FAM169A: variants seen among roughly 807,000 people sequenced by gnomAD.
FAM169A encodes the protein family with sequence similarity 169 member A.
A neutral mutation model predicts 75.7 loss-of-function variants in FAM169A; 24 were observed. The observed-to-expected ratio is 0.32, with a 90% CI of 0.23 to 0.45. The LOEUF is 0.45. Ranked by LOEUF, FAM169A falls within the 20% of genes least tolerant of loss-of-function variation. The pLI is 1.00. For synonymous variants in FAM169A, 271 were observed against 271.0 expected, an observed-to-expected ratio of 1.00 and a Z score of 0.00; for missense variants, 673 against 784.0, an observed-to-expected ratio of 0.86 and a Z score of 1.69.
intron 1 of FAM169A, among the ~76,000 whole-genome samples, chr5:74,847,888 C>T (rs918428191): frequency 3.9e-5 from 6 of 152,152 alleles, no homozygotes; most frequent in Non-Finnish European, 8.8e-5. Flanking sequence ...CAAAACAACC[C>T]TGTGTCCCAG....
In FAM169A at chr5:74,783,196, G is replaced by A. The variant is rs1021777047; in HGVS notation, c.1261-62C>T. On this transcript the variant is annotated intron_variant, in intron 11 of 12. Transcript: ENST00000687041. The stretch of plus-strand genomic sequence containing the variant: ...GATTACAAACTAACTTATTTGTCAT[G>A]CATGACGGGTCCCTTCTCAGTGCCT... 1.8e-5 allele frequency: 22 copies of A among 1,221,230 alleles called. No individual in the cohort carries two copies. In the African/African-American group the frequency reaches 2.7e-4, roughly 15 times the overall value. The allele number at this position is 1,221,230 out of a possible 1,614,324, so 75.6% of individuals were successfully genotyped here. A position where few individuals can be genotyped will look rare whatever the true frequency, so the allele number is the denominator to read the frequency against.
At chr5:74,827,387 T>C (rs565974502) in intron 5 of FAM169A, among the ~76,000 whole-genome samples, 41 of 152,232 alleles carry the variant, frequency 2.7e-4, no homozygotes, top group Admixed American at 2.2e-3. Context: ...TTCTATGATA[T>C]TTATTCCACA....
chr5:74,813,531 G>A (rs1747317144), intron 6 of FAM169A, among the ~76,000 whole-genome samples: 1 of 151,948 alleles, frequency 6.6e-6, no homozygotes, highest in Non-Finnish European at 1.5e-5. Flanking sequence ...TCATCATGTT[G>A]GCCAGGCTGG....
intron 1 of FAM169A, among the ~76,000 whole-genome samples, chr5:74,846,419 A>G (rs1164217545): frequency 2.6e-5 from 4 of 152,354 alleles, no homozygotes; most frequent in East Asian, 3.9e-4. Context: ...CAAAATGGAC[A>G]TAAGAGTTTG....
intron 5 of FAM169A, among the ~76,000 whole-genome samples, chr5:74,830,170 CACA>C (rs1351950608): frequency 1.3e-5 from 2 of 152,070 alleles, no homozygotes; most frequent in Non-Finnish European, 2.9e-5. Flanking sequence ...ATCCCCCTCA[CACA>C]ACAACATAAA....
At chr5:74,857,820 G>A (rs538363197) in intron 1 of FAM169A, among the ~76,000 whole-genome samples, 17 of 151,976 alleles carry the variant, frequency 1.1e-4, no homozygotes, top group Admixed American at 3.9e-4. Context: ...CTAGAGACAG[G>A]AGAAACTTCT....
intron 6 of FAM169A, among the ~76,000 whole-genome samples, chr5:74,807,226 T>C (rs1313211677): frequency 6.6e-6 from 1 of 152,184 alleles, no homozygotes; most frequent in Non-Finnish European, 1.5e-5. Flanking sequence ...CTCACTTACC[T>C]TAAATGTGTT....
At chr5:74,828,055 T>C (rs1016932651) in intron 5 of FAM169A, among the ~76,000 whole-genome samples, 3 of 152,174 alleles carry the variant, frequency 2.0e-5, no homozygotes, top group African/African-American at 7.2e-5. Flanking sequence ...CTATTCCTAT[T>C]TTTTATTTTT....
chr5:74,817,684 TAAG>T lies in FAM169A; in HGVS notation c.491-3668_491-3666del, dbSNP rs1462585174. On this transcript the variant is annotated intron_variant, in intron 5 of 12. Coordinates refer to ENST00000687041, the MANE Select transcript of FAM169A (RefSeq NM_001376049.1). ...AGTTCATCCCAAACACACAGGAAAA[TAAG>T]GAGCCCAAATAGCCAAAATAATCTT... Among the ~76,000 whole-genome samples, 4 of 152,016 alleles carry T rather than the reference TAAG, an allele frequency of 2.6e-5. No individual in the cohort carries two copies. In the East Asian group the frequency reaches 7.7e-4, roughly 29 times the overall value.
Position 74,805,524 on chromosome 5 carries a change from C to CTTTTTTTTTTTTTT in FAM169A, c.671-254_671-241dup, listed in dbSNP as rs1194674402. ...AAAAATCCTTTAAAAATGTGCTTCG[C>CTTTTTTTTTTTTTT]TTTTTTTTTTTTTTTTTTTTTTTGG... On this transcript the variant is annotated intron_variant, in intron 6 of 12. Coordinates refer to ENST00000687041, the MANE Select transcript of FAM169A (RefSeq NM_001376049.1). 2.2e-4 allele frequency among the ~76,000 whole-genome samples: 18 copies of CTTTTTTTTTTTTTT among 81,922 alleles called. 1 individual carries two copies. Among genetic ancestry groups the CTTTTTTTTTTTTTT allele is most frequent in the African/African-American group, 4.9e-4 (9 of 18,436 alleles). 53.7% of individuals were successfully genotyped at this position (81,922 alleles called of 152,430 possible). A position where few individuals can be genotyped will look rare whatever the true frequency, so the allele number is the denominator to read the frequency against.
intron 11 of FAM169A, among the ~76,000 whole-genome samples, chr5:74,787,853 T>A (rs1203543338): frequency 6.6e-6 from 1 of 151,748 alleles, no homozygotes; most frequent in African/African-American, 2.4e-5. Flanking sequence ...AACTTCCAGG[T>A]CGAGTGGACA....
At chr5:74,809,734 T>C (rs1747076604) in intron 6 of FAM169A, among the ~76,000 whole-genome samples, 1 of 152,192 alleles carries the variant, frequency 6.6e-6, no homozygotes, top group Non-Finnish European at 1.5e-5. Context: ...GAAGAGATAC[T>C]CAAAAATCTT....
At chr5:74,800,378 A>G (rs1746509487) in intron 10 of FAM169A, among the ~76,000 whole-genome samples, 1 of 152,210 alleles carries the variant, frequency 6.6e-6, no homozygotes, top group African/African-American at 2.4e-5. Context: ...ACTGTCCACT[A>G]GAAAATTAAA....
At chr5:74,858,767 T>A (rs1197087313) in intron 1 of FAM169A, among the ~76,000 whole-genome samples, 1 of 151,920 alleles carries the variant, frequency 6.6e-6, no homozygotes, top group Middle Eastern at 3.2e-3. Context: ...TAAAAAAAAA[T>A]TTGGGTACTT....
intron 6 of FAM169A, among the ~76,000 whole-genome samples, chr5:74,805,809 G>C (rs1370750096): frequency 1.3e-5 from 2 of 151,714 alleles, no homozygotes; most frequent in Non-Finnish European, 2.9e-5. Context: ...AAAAATACCA[G>C]TTCTCATCAA....
intron 11 of FAM169A, among the ~76,000 whole-genome samples, chr5:74,785,305 C>T (rs6890815): frequency 0.26 from 38,841 of 151,954 alleles, 5,513 homozygotes; most frequent in African/African-American, 0.37. Context: ...GGCAACAGAG[C>T]GAGACTCCGT....
rs1458563607 is a variant in FAM169A, at chr5:74,848,584, G to A, written c.-3-6905C>T. On this transcript the variant is annotated intron_variant, in intron 1 of 12. Coordinates refer to ENST00000687041, the MANE Select transcript of FAM169A (RefSeq NM_001376049.1). Reference sequence around the variant, plus strand: ...GGAATTCTGTGACCTTGGCTCTGGGGTCAGCTCTGCCGCTAACTAGCTTTA... The same window carrying A: ...GGAATTCTGTGACCTTGGCTCTGGGATCAGCTCTGCCGCTAACTAGCTTTA... 4 of 152,078 alleles carry A rather than the reference G, an allele frequency of 2.6e-5. No individual in the cohort carries two copies. The East Asian group carries it at 7.7e-4, about 29-fold the overall frequency. The allele number at this position is 152,078 out of a possible 1,614,324, so 9.4% of individuals were successfully genotyped here.
chr5:74,812,368 C>G (rs990180086), intron 6 of FAM169A, among the ~76,000 whole-genome samples: 1 of 151,996 alleles, frequency 6.6e-6, no homozygotes, highest in Admixed American at 6.6e-5. Context: ...CTCAAGCGAT[C>G]CACCCACCTC....
chr5:74,855,120 C>T (rs919831231), intron 1 of FAM169A, among the ~76,000 whole-genome samples: 1 of 152,142 alleles, frequency 6.6e-6, no homozygotes, highest in Non-Finnish European at 1.5e-5. Context: ...CACCAGCATT[C>T]GTTACTGCCT....
Sources: allele counts gnomAD v4.1 joint callset (sites outside exome capture counted in the v4.1 genomes callset), GRCh38; gene constraint gnomAD v4.1.1; transcripts MANE v1.5; gene names NCBI Gene and HGNC (gene_info 2026-07-23, HGNC 2026-07-21).